Variants in MYBPC2 observed in about 807,000 individuals in gnomAD.
MYBPC2 encodes myosin binding protein C2, also known as myosin-binding protein C, fast-type.
MYBPC2 carries 122 observed loss-of-function variants against 137.0 expected under a neutral mutation model. The observed-to-expected ratio is 0.89, with a 90% CI of 0.77 to 1.03. The LOEUF (loss-of-function observed/expected upper bound fraction) is 1.03. MYBPC2 is among the 50% of genes least tolerant of loss of function. The pLI is 0.00. For synonymous variants in MYBPC2, 626 were observed against 612.3 expected (o/e 1.02, Z -0.33); for missense variants, 1,500 against 1,534.4 (o/e 0.98, Z 0.37).
chr19:50,464,535 G>C lies in MYBPC2; in HGVS notation c.3415+3G>C. The C allele has an allele frequency of 1.9e-6, 3 of 1,602,188 alleles. No individual in the cohort carries two copies. In the South Asian group the frequency reaches 3.4e-5, roughly 18 times the overall value. On this transcript the variant is annotated splice_donor_region_variant and intron_variant, in intron 27 of 27. Coordinates refer to ENST00000357701, the MANE Select transcript of MYBPC2 (RefSeq NM_004533.4). ...TGAGTGCAAGCTGGAGGTCCGAGGT[G>C]AGGGCGTGGCCATCCCCAACACTGG...
rs1461347092 is a variant in MYBPC2, at chr19:50,435,723, C to T, written c.110-53C>T. On this transcript the variant is annotated intron_variant, in intron 2 of 27. Coordinates refer to ENST00000357701, the MANE Select transcript of MYBPC2 (RefSeq NM_004533.4). The surrounding 1 kb of genome is among the most constrained non-coding windows in gnomAD (Gnocchi z 4.8). ...TCCTTTCCCCAAAGCGGCCCACTGT[C>T]CCCTCCCCAGCCTATCTCAGACCTC... 7 of 1,478,168 alleles carry T rather than the reference C, an allele frequency of 4.7e-6. 1 individual carries two copies. Among genetic ancestry groups the T allele is most frequent in the African/African-American group, 1.4e-5 (1 of 71,318 alleles). 91.6% of individuals were successfully genotyped at this position (1,478,168 alleles called of 1,614,324 possible). A position where few individuals can be genotyped will look rare whatever the true frequency, so the allele number is the denominator to read the frequency against.
chr19:50,450,468 C>T (rs970587215), intron 13 of MYBPC2, among the ~76,000 whole-genome samples: 3 of 152,040 alleles, frequency 2.0e-5, no homozygotes, highest in African/African-American at 7.2e-5. Flanking sequence ...AGGGTCTTGC[C>T]GTGTTGCCCT....
At chr19:50,434,013 T>A (rs979011461) in intron 1 of MYBPC2, among the ~76,000 whole-genome samples, 10 of 152,260 alleles carry the variant, frequency 6.6e-5, no homozygotes, top group African/African-American at 2.4e-4. Flanking sequence ...GTCACTGCAC[T>A]CCAGCCTGGG....
In MYBPC2 at chr19:50,454,133, C is replaced by T; in HGVS notation, c.1863C>T (p.Thr621=). ...AGGGCCGCTACACCATCAAGGTCAC[C>T]AACCCCGTCGGCGAGGACGTGGCTT... The part of the protein sequence containing the change: ...EDEGRYTIKV[T]NPVGEDVASI... Residue 621 remains threonine, a synonymous_variant, in exon 17 of 28, where the codon ACC becomes ACT. Transcript: ENST00000357701. 6.2e-7 allele frequency: 1 copy of T among 1,613,528 alleles called. No homozygotes were observed. Among genetic ancestry groups the T allele is most frequent in the Non-Finnish European group, 8.5e-7 (1 of 1,179,732 alleles).
chr19:50,437,664 A>G lies in MYBPC2; in HGVS notation c.518A>G (p.Glu173Gly). ...TGCCCTCTCAATGGCCACAGGAGTG[A>G]AAAGAAGTCGGATACTGCAGGTGAG... ...QSLESFKRTSEKKSDTAGELD... is the reference protein window; with the variant it reads ...QSLESFKRTSGKKSDTAGELD... The change falls in exon 7 of 28, where the codon GAA (glutamate) becomes GGA (glycine). Residue 173 changes from glutamate (E) to glycine (G), a missense_variant. Glu to Gly is a moderately conservative substitution (Grantham distance 98). Coordinates refer to ENST00000357701, the MANE Select transcript of MYBPC2 (RefSeq NM_004533.4). The G allele has an allele frequency of 6.2e-7, 1 of 1,604,420 alleles. No individual in the cohort carries two copies. Among genetic ancestry groups the G allele is most frequent in the Non-Finnish European group, 8.5e-7 (1 of 1,175,396 alleles).
intron 1 of MYBPC2, 115 bp downstream of exon 1, chr19:50,433,087 G>A: frequency 7.5e-7 from 1 of 1,328,728 alleles, no homozygotes; most frequent in South Asian, 1.5e-5. Context: ...TGTGTGAGGA[G>A]GAGGCTCCCT....
chr19:50,464,296 T>C, intron 26 of MYBPC2, 50 bp from the exon 27 acceptor site: 1 of 1,509,514 alleles, frequency 6.6e-7, no homozygotes, highest in African/African-American at 1.4e-5. Flanking sequence ...TTGTCATCAT[T>C]GCCCAGGGTC....
chr19:50,444,280 GTCCATCCATTCATCCATCCATCCATCCA>G (rs1231126640), intron 11 of MYBPC2, among the ~76,000 whole-genome samples: 6 of 130,616 alleles, frequency 4.6e-5, no homozygotes, highest in African/African-American at 6.6e-5. Flanking sequence ...TTAACCATCT[GTCCATCCATTCATCCATCCATCCATCCA>G]TCCATCCATC....
chr19:50,436,055 C>T lies in MYBPC2; in HGVS notation c.240C>T (p.Leu80=), dbSNP rs1407607757. ...TGGCCAAGGTGAACGGGAAGGAGCTCCCAGACAAACCGACCATCAAGTGGT... is the reference window on the plus strand; with the variant it reads ...TGGCCAAGGTGAACGGGAAGGAGCTTCCAGACAAACCGACCATCAAGTGGT... ...VVVAKVNGKE[L]PDKPTIKWFK... is the part of the protein sequence containing the mutation. Residue 80 remains leucine (L), a synonymous_variant, in exon 4 of 28, where the codon CTC becomes CTT. Transcript: ENST00000357701. 2 of 1,584,076 alleles carry T rather than the reference C, an allele frequency of 1.3e-6. No homozygotes were observed. Among genetic ancestry groups the T allele is most frequent in the East Asian group, 2.3e-5 (1 of 43,240 alleles).
chr19:50,448,332 T>C lies in MYBPC2; in HGVS notation c.1414T>C (p.Tyr472His), dbSNP rs1394879768. The change falls in exon 13 of 28, where the codon TAT becomes CAT. Residue 472 changes from tyrosine to histidine, a missense_variant. Transcript: ENST00000357701. ...VSDEKVTGKW[Y>H]KNGVEVRPSK... ...TGATGAGAAAGTGACGGGCAAGTGG[T>C]ATAAGAATGGGGTCGAGGTGCGGCC... The C allele has an allele frequency of 1.2e-6, 2 of 1,613,734 alleles. No individual in the cohort carries two copies. The highest frequency in any genetic ancestry group is 1.7e-6 in the Non-Finnish European group (2 of 1,179,812).
At position 50,451,271 on chromosome 19, in the gene MYBPC2, G is replaced by A. The variant is rs779864626; in HGVS notation, c.1580-9G>A. 1 of 1,613,708 alleles carries A rather than the reference G, an allele frequency of 6.2e-7. No individual in the cohort carries two copies. Among genetic ancestry groups the A allele is most frequent in the Non-Finnish European group, 8.5e-7 (1 of 1,179,828 alleles). ...TAGACCTAACTGTCCAGTCTTCTTTGTCTTGCAGAAATCAAGGTGGAGTAC... is the reference window on the plus strand; with the variant it reads ...TAGACCTAACTGTCCAGTCTTCTTTATCTTGCAGAAATCAAGGTGGAGTAC... On this transcript the variant is annotated splice_polypyrimidine_tract_variant and intron_variant, in intron 14 of 27. Transcript: ENST00000357701.
intron 25 of MYBPC2, 77 bp downstream of exon 25, chr19:50,461,778 C>A: frequency 6.3e-7 from 1 of 1,595,288 alleles, no homozygotes; most frequent in Non-Finnish European, 8.5e-7. Context: ...CTCCTGCCCT[C>A]CCCTCCCCAC....
intron 9 of MYBPC2, among the ~76,000 whole-genome samples, 195 bp downstream of exon 9, chr19:50,442,508 G>A (rs1214366449): frequency 2.0e-5 from 3 of 151,952 alleles, no homozygotes; most frequent in East Asian, 2.0e-4. Flanking sequence ...TAAGGTCAGG[G>A]GTTCGAGACC....
In MYBPC2 at chr19:50,462,008, T is replaced by A; in HGVS notation, c.3200T>A (p.Leu1067His). The A allele has an allele frequency of 1.3e-6, 2 of 1,573,362 alleles. No homozygotes were observed. Among genetic ancestry groups the A allele is most frequent in the Non-Finnish European group, 1.7e-6 (2 of 1,159,426 alleles). ...GTCGTGGCTGGGTACTCGGCAGCCC[T>A]CAACTGTGCTGTCAGAGGCCACCCG... ...RVVVAGYSAALNCAVRGHPKP... is the reference protein window; with the variant it reads ...RVVVAGYSAAHNCAVRGHPKP... The change falls in exon 26 of 28, where the codon CTC (leucine) becomes CAC (histidine). Residue 1067 changes from leucine to histidine, a missense_variant. Physicochemically the swap from Leu to His is moderately conservative, Grantham distance 99 (BLOSUM62 -3). Transcript: ENST00000357701.
intron 23 of MYBPC2, 24 bp from the exon 24 acceptor site, chr19:50,460,016 C>T (rs2039957042): frequency 7.1e-6 from 11 of 1,550,212 alleles, no homozygotes; most frequent in Non-Finnish European, 9.6e-6. Context: ...CCTGGACTGA[C>T]TTGTCACACT....
chr19:50,442,924 C>A (rs1184494147), intron 9 of MYBPC2, among the ~76,000 whole-genome samples: 1 of 151,408 alleles, frequency 6.6e-6, no homozygotes, highest in African/African-American at 2.4e-5. Context: ...ATGACAGGAG[C>A]GCCCCAACAC....
chr19:50,440,955 G>A lies in MYBPC2; in HGVS notation c.648G>A (p.Glu216=). Reference sequence around the variant, plus strand: ...TAGGCATCCCCCCGGAGATTTGGGAGCTCCTGAAAGGGGCAAAGAAGAGCG... The same window carrying A: ...TAGGCATCCCCCCGGAGATTTGGGAACTCCTGAAAGGGGCAAAGAAGAGCG... ...DDLGIPPEIW[E]LLKGAKKSEY... Residue 216 remains glutamate, a synonymous_variant, in exon 8 of 28, where the codon GAG becomes GAA. Coordinates refer to ENST00000357701, the MANE Select transcript of MYBPC2 (RefSeq NM_004533.4). 1 of 1,613,824 alleles carries A rather than the reference G, an allele frequency of 6.2e-7. No homozygotes were observed. The highest frequency in any genetic ancestry group is 8.5e-7 in the Non-Finnish European group (1 of 1,179,816).
intron 4 of MYBPC2, 45 bp from the exon 5 acceptor site, chr19:50,436,572 C>G (rs752239407): frequency 6.5e-7 from 1 of 1,534,520 alleles, no homozygotes; most frequent in East Asian, 2.3e-5. Flanking sequence ...TGGGGTGGCT[C>G]TAGAGGGTGG....
At chr19:50,440,708 G>A (rs1242624424) in intron 7 of MYBPC2, among the ~76,000 whole-genome samples, 172 bp from the exon 8 acceptor site, 2 of 150,288 alleles carry the variant, frequency 1.3e-5, no homozygotes, top group African/African-American at 4.9e-5. Context: ...GTGCTGGGAA[G>A]AGGTCAGAAG....
Sources: gnomAD v4.1 joint callset for allele counts (sites outside exome capture counted in the v4.1 genomes callset) on GRCh38, gnomAD v4.1.1 for gene constraint, Gnocchi (gnomAD v3.1) non-coding constraint, MANE v1.5 for transcripts, NCBI Gene and HGNC (gene_info 2026-07-23, HGNC 2026-07-21) for gene names.